MRPL44: variants seen among roughly 807,000 people sequenced by gnomAD.
The protein encoded by MRPL44 is large ribosomal subunit protein mL44.
Under a neutral mutation model 25.9 loss-of-function variants are expected in MRPL44, and 21 were observed. The ratio of observed to expected loss-of-function variants is 0.81; its 90% CI spans 0.58 to 1.17. The LOEUF (loss-of-function observed/expected upper bound fraction) is 1.17, where lower values mean the gene tolerates loss of function less well. Ranked by LOEUF, MRPL44 falls within the 50% of genes most tolerant of loss-of-function variation. The pLI is 0.00. For missense variants in MRPL44, 410 were observed against 398.9 expected (o/e 1.03, Z -0.24); for synonymous variants, 169 against 151.0 (o/e 1.12, Z -0.87).
chr2:223,964,852 T>C (rs1689719120), intron 3 of MRPL44, among the ~76,000 whole-genome samples: 1 of 152,218 alleles, frequency 6.6e-6, no homozygotes, highest in Non-Finnish European at 1.5e-5. Context: ...TTATGCTCCA[T>C]ACTTTGAACA....
chr2:223,962,806 A>G (rs939979956), intron 2 of MRPL44, among the ~76,000 whole-genome samples: 1 of 152,064 alleles, frequency 6.6e-6, no homozygotes, highest in Non-Finnish European at 1.5e-5. Flanking sequence ...GGTTCAAGCA[A>G]TTCTTGTGCC....
chr2:223,959,609 A>C lies in MRPL44; in HGVS notation c.255A>C (p.Leu85Phe). ...ATCGGTTACAGGAAAACTTTTCCTTAGATCTTCTCAAAACTGCATTTGTTA... is the reference window on the plus strand; with the variant it reads ...ATCGGTTACAGGAAAACTTTTCCTTCGATCTTCTCAAAACTGCATTTGTTA... ...FGHRLQENFS[L>F]DLLKTAFVNS... Residue 85 changes from leucine (L) to phenylalanine (F), a missense_variant, in exon 2 of 4, where the codon TTA (leucine) becomes TTC (phenylalanine). Coordinates refer to ENST00000258383, the MANE Select transcript of MRPL44 (RefSeq NM_022915.5). 6.2e-7 allele frequency: 1 copy of C among 1,614,226 alleles called. No homozygotes were observed. Among genetic ancestry groups the C allele is most frequent in the Non-Finnish European group, 8.5e-7 (1 of 1,180,024 alleles).
chr2:223,961,975 T>C (rs1559184887), intron 2 of MRPL44, among the ~76,000 whole-genome samples: 1 of 152,244 alleles, frequency 6.6e-6, no homozygotes, highest in Non-Finnish European at 1.5e-5. Flanking sequence ...TGTATATACG[T>C]ATCCCATAAG....
In MRPL44 at chr2:223,959,631, G is replaced by A; in HGVS notation, c.277G>A (p.Val93Ile). The change falls in exon 2 of 4, where the codon GTT becomes ATT. Residue 93 changes from valine (V) to isoleucine (I), a missense_variant. Val to Ile is a conservative substitution (Grantham distance 29, BLOSUM62 3). Coordinates refer to ENST00000258383, the MANE Select transcript of MRPL44 (RefSeq NM_022915.5). ...CTTAGATCTTCTCAAAACTGCATTT[G>A]TTAATAGCTGCTATATTAAAAGTGA... ...FSLDLLKTAF[V>I]NSCYIKSEEA... The A allele has an allele frequency of 1.2e-6, 2 of 1,614,202 alleles. No homozygotes were observed. The highest frequency in any genetic ancestry group is 1.7e-6 in the Non-Finnish European group (2 of 1,180,030).
At chr2:223,960,844 C>T (rs1170084387) in intron 2 of MRPL44, among the ~76,000 whole-genome samples, 1 of 152,184 alleles carries the variant, frequency 6.6e-6, no homozygotes, top group Non-Finnish European at 1.5e-5. Flanking sequence ...AGTTTTAAAA[C>T]TCTAAATAAT....
chr2:223,959,422 C>T (rs955785907), intron 1 of MRPL44, 112 bp from the exon 2 acceptor site: 2 of 834,316 alleles, frequency 2.4e-6, no homozygotes, highest in African/African-American at 1.7e-5. Context: ...AGAAATATAA[C>T]CTTCTTTCAT....
In MRPL44 at chr2:223,967,444, G is replaced by A. The variant is rs1142417; in HGVS notation, c.*410G>A. ...CATGGGGTTTCACCAAGTTGGCTAG[G>A]CTAGTCTTGAACTCCTGACCTCAGG... On this transcript the variant is annotated 3_prime_UTR_variant, in exon 4 of 4. Transcript: ENST00000258383. The A allele has an allele frequency of 0.35, 55,521 of 156,498 alleles. 10,886 individuals are homozygous for A. The highest frequency in any genetic ancestry group is 0.44 in the Non-Finnish European group (31,410 of 70,954). 9.7% of individuals were successfully genotyped at this position (156,498 alleles called of 1,614,324 possible).
chr2:223,957,860 T>G (rs1689596920), intron 1 of MRPL44, among the ~76,000 whole-genome samples: 1 of 152,150 alleles, frequency 6.6e-6, no homozygotes, highest in African/African-American at 2.4e-5. Flanking sequence ...TTCCCGACGT[T>G]TTGAAACTAC....
In MRPL44 at chr2:223,967,159, C is replaced by A; in HGVS notation, c.*125C>A. On this transcript the variant is annotated 3_prime_UTR_variant, in exon 4 of 4. Coordinates refer to ENST00000258383, the MANE Select transcript of MRPL44 (RefSeq NM_022915.5). The stretch of plus-strand genomic sequence containing the variant: ...TTTTGTTTCTGTTTTTTACTGTGTT[C>A]CCAAAATTAAATAAGTGTTAACCAA... 1.0e-6 allele frequency: 1 copy of A among 966,530 alleles called. No individual in the cohort carries two copies. Among genetic ancestry groups the A allele is most frequent in the Non-Finnish European group, 1.5e-6 (1 of 679,616 alleles). 59.9% of individuals were successfully genotyped at this position (966,530 alleles called of 1,614,324 possible).
chr2:223,965,758 C>T (rs2106119922), intron 3 of MRPL44: 1 of 152,254 alleles, frequency 6.6e-6, no homozygotes, highest in Admixed American at 6.5e-5. Context: ...TGTTACCTCA[C>T]TTGGGAATAA....
At chr2:223,965,040 T>C (rs1421282213) in intron 3 of MRPL44, among the ~76,000 whole-genome samples, 3 of 152,030 alleles carry the variant, frequency 2.0e-5, no homozygotes, top group Non-Finnish European at 2.9e-5. Context: ...AATGATCTTT[T>C]ATCTAAAAAA....
chr2:223,953,719 G>T (rs1689524876), upstream of MRPL44, among the ~76,000 whole-genome samples: 1 of 152,168 alleles, frequency 6.6e-6, no homozygotes, highest in Admixed American at 6.5e-5. Flanking sequence ...CAGTAGTTTT[G>T]CCAGGAGTTC....
chr2:223,960,081 C>G, intron 2 of MRPL44, 79 bp downstream of exon 2: 3 of 1,203,402 alleles, frequency 2.5e-6, no homozygotes, highest in Non-Finnish European at 3.4e-6. Context: ...TTTGATATAT[C>G]ACCTTGGAAG....
chr2:223,963,786 G>T lies in MRPL44; in HGVS notation c.679G>T (p.Glu227Ter). The T allele has an allele frequency of 6.2e-7, 1 of 1,609,370 alleles. No individual in the cohort carries two copies. The highest frequency in any genetic ancestry group is 8.5e-7 in the Non-Finnish European group (1 of 1,178,238). ...CTTAATTACTCAAATGACTGGAAAA[G>T]AGCTCTTTGAGATGTGGAAGATAAT... ...DFLITQMTGK[E>*]LFEMWKIINP... The change falls in exon 3 of 4, where the codon GAG (glutamate) becomes TAG (stop). Residue 227 changes from glutamate to a stop codon, truncating the protein, a stop_gained. Transcript: ENST00000258383. LOFTEE classifies it high-confidence loss of function.
At chr2:223,966,092 C>T (rs1242903790) in intron 3 of MRPL44, among the ~76,000 whole-genome samples, 3 of 152,058 alleles carry the variant, frequency 2.0e-5, no homozygotes, top group South Asian at 2.1e-4. Flanking sequence ...GGCGTGTTGG[C>T]GGGTGCGTTG....
chr2:223,961,088 C>T (rs1388084197), intron 2 of MRPL44, among the ~76,000 whole-genome samples: 1 of 152,196 alleles, frequency 6.6e-6, no homozygotes, highest in Non-Finnish European at 1.5e-5. Context: ...ATGGGCCAGG[C>T]ACTCTGCTGA....
At chr2:223,964,172 T>A (rs1435097769) in intron 3 of MRPL44, among the ~76,000 whole-genome samples, 1 of 152,252 alleles carries the variant, frequency 6.6e-6, no homozygotes, top group Non-Finnish European at 1.5e-5. Flanking sequence ...GTTTTGCTAA[T>A]AGCTTTTGTC....
Position 223,957,507 on chromosome 2 carries a change from G to T in MRPL44, c.35G>T (p.Gly12Val), listed in dbSNP as rs1689588210. The change falls in exon 1 of 4, where the codon GGA becomes GTA. Residue 12 changes from glycine to valine, a missense_variant. Physicochemically the swap from Gly to Val is moderately radical, Grantham distance 109. Coordinates refer to ENST00000258383, the MANE Select transcript of MRPL44 (RefSeq NM_022915.5). ...GGGCTGGTAAGATTGCTGCAGCAGG[G>T]ACATCGCTGCCTCCTGGCTCCAGTC... The part of the protein sequence containing the change: ...ASGLVRLLQQ[G>V]HRCLLAPVAP... 1 of 1,614,146 alleles carries T rather than the reference G, an allele frequency of 6.2e-7. No homozygotes were observed. The highest frequency in any genetic ancestry group is 8.5e-7 in the Non-Finnish European group (1 of 1,180,026).
At chr2:223,956,977 G>A (rs1403445465), upstream of MRPL44, among the ~76,000 whole-genome samples, 1 of 152,110 alleles carries the variant, frequency 6.6e-6, no homozygotes, top group Non-Finnish European at 1.5e-5. Flanking sequence ...TGAGTCTAGG[G>A]TTTCCAAAAC....
Sources: gnomAD v4.1 joint callset for allele counts (sites outside exome capture counted in the v4.1 genomes callset) on GRCh38, gnomAD v4.1.1 for gene constraint, MANE v1.5 for transcripts, NCBI Gene and HGNC (gene_info 2026-07-23, HGNC 2026-07-21) for gene names.